NKAIN2: variants seen among roughly 807,000 people sequenced by gnomAD.
NKAIN2 encodes the protein sodium/potassium transporting ATPase interacting 2, also known as sodium/potassium-transporting ATPase subunit beta-1-interacting protein 2.
Under a neutral mutation model 32.6 loss-of-function variants are expected in NKAIN2, and 14 were observed. The observed-to-expected ratio is 0.43, with a 90% CI of 0.28 to 0.67. The LOEUF (loss-of-function observed/expected upper bound fraction) is 0.67. Ranked by LOEUF, NKAIN2 falls within the 30% of genes least tolerant of loss-of-function variation. The pLI is 0.17. For synonymous variants in NKAIN2, 80 were observed against 87.2 expected (o/e 0.92, Z 0.46); for missense variants, 198 against 258.3 (o/e 0.77, Z 1.60).
intron 1 of NKAIN2, among the ~76,000 whole-genome samples, chr6:124,021,000 A>T (rs1185977298): frequency 6.6e-6 from 1 of 152,142 alleles, no homozygotes; most frequent in African/African-American, 2.4e-5. Flanking sequence ...TATGGAATAT[A>T]TAACCATCAC....
intron 1 of NKAIN2, among the ~76,000 whole-genome samples, chr6:124,148,285 T>C (rs995316240): frequency 1.8e-5 from 2 of 111,078 alleles, no homozygotes; most frequent in Non-Finnish European, 3.8e-5. Context: ...CAATTCTTTT[T>C]AACTTATAGA....
intron 3 of NKAIN2, among the ~76,000 whole-genome samples, chr6:124,622,046 G>A (rs955143133): frequency 6.6e-6 from 1 of 152,132 alleles, no homozygotes; most frequent in Non-Finnish European, 1.5e-5. Flanking sequence ...TGGCTTAAAA[G>A]GACATAAACT....
intron 3 of NKAIN2, among the ~76,000 whole-genome samples, chr6:124,370,803 G>T (rs2114323738): frequency 6.6e-6 from 1 of 152,152 alleles, no homozygotes; most frequent in African/African-American, 2.4e-5. Flanking sequence ...TCTTGCAATT[G>T]CTTCTGAAGA....
intron 1 of NKAIN2, among the ~76,000 whole-genome samples, chr6:124,210,774 T>C (rs972398993): frequency 4.6e-4 from 70 of 151,920 alleles, no homozygotes; most frequent in Non-Finnish European, 1.5e-4. Flanking sequence ...GAAATGCTAC[T>C]GATTTTTGAA....
intron 5 of NKAIN2, among the ~76,000 whole-genome samples, chr6:124,811,926 G>A (rs947645271): frequency 1.3e-5 from 2 of 151,968 alleles, no homozygotes; most frequent in African/African-American, 2.4e-5. Context: ...AAATCCCTCC[G>A]ACAAGGCAGA....
At chr6:124,225,683 CTTA>C (rs1257999971) in intron 1 of NKAIN2, among the ~76,000 whole-genome samples, 1 of 151,748 alleles carries the variant, frequency 6.6e-6, no homozygotes, top group African/African-American at 2.4e-5. Flanking sequence ...ATGAGAAACA[CTTA>C]TTTTTATTGA....
chr6:124,363,110 C>T (rs1231950928), intron 3 of NKAIN2, among the ~76,000 whole-genome samples: 1 of 152,156 alleles, frequency 6.6e-6, no homozygotes, highest in Non-Finnish European at 1.5e-5. Context: ...GTTGGGATTA[C>T]AGGCATGAGC....
intron 1 of NKAIN2, among the ~76,000 whole-genome samples, chr6:123,939,422 C>G (rs758929083): frequency 2.6e-5 from 4 of 151,926 alleles, no homozygotes; most frequent in Non-Finnish European, 5.9e-5. Flanking sequence ...GCACATTCCA[C>G]AAAACAGAGA....
intron 1 of NKAIN2, among the ~76,000 whole-genome samples, chr6:124,174,454 T>C (rs1789057578): frequency 6.6e-6 from 1 of 152,182 alleles, no homozygotes; most frequent in Non-Finnish European, 1.5e-5. Context: ...GCAGCCTAAG[T>C]ACAATGAAGA....
chr6:124,228,703 A>C (rs947463653), intron 1 of NKAIN2, among the ~76,000 whole-genome samples: 3 of 152,170 alleles, frequency 2.0e-5, no homozygotes, highest in East Asian at 1.9e-4. Flanking sequence ...TTAGAAAGAA[A>C]GTCTCTTACC....
intron 1 of NKAIN2, among the ~76,000 whole-genome samples, chr6:124,087,099 T>C (rs1224821041): frequency 2.0e-5 from 3 of 151,954 alleles, no homozygotes; most frequent in African/African-American, 7.2e-5. Context: ...TTTATCTCAG[T>C]TATGCAATGC....
At chr6:124,375,208 G>A (rs1209276642) in intron 3 of NKAIN2, among the ~76,000 whole-genome samples, 3 of 151,716 alleles carry the variant, frequency 2.0e-5, no homozygotes, top group South Asian at 2.1e-4. Flanking sequence ...CCTAAAACAC[G>A]TGCTCCAGAT....
chr6:123,834,215 C>T (rs945554757), intron 1 of NKAIN2, among the ~76,000 whole-genome samples: 1 of 152,116 alleles, frequency 6.6e-6, no homozygotes, highest in Non-Finnish European at 1.5e-5. Context: ...CGTGCAATGA[C>T]GTGATCTCAG....
intron 2 of NKAIN2, among the ~76,000 whole-genome samples, chr6:124,317,294 A>G (rs1188108320): frequency 1.3e-5 from 2 of 152,084 alleles, no homozygotes; most frequent in Non-Finnish European, 2.9e-5. Context: ...TTTCATATCA[A>G]TGCATCAAGT....
At chr6:124,500,304 C>G in intron 3 of NKAIN2, among the ~76,000 whole-genome samples, 1 of 151,972 alleles carries the variant, frequency 6.6e-6, no homozygotes. Flanking sequence ...GCACTAAGAA[C>G]AGCAGGGTAT....
chr6:124,542,003 A>G (rs916744351), intron 3 of NKAIN2, among the ~76,000 whole-genome samples: 9 of 152,156 alleles, frequency 5.9e-5, no homozygotes, highest in Non-Finnish European at 1.2e-4. Flanking sequence ...AAACTACCAT[A>G]TATTTAGCAA....
At chr6:123,863,099 C>T (rs1465274109) in intron 1 of NKAIN2, among the ~76,000 whole-genome samples, 1 of 152,176 alleles carries the variant, frequency 6.6e-6, no homozygotes, top group Non-Finnish European at 1.5e-5. Flanking sequence ...TTCTCTCTTG[C>T]CAACTGGCCT....
At chr6:124,595,216 A>G (rs1782040743) in intron 3 of NKAIN2, among the ~76,000 whole-genome samples, 1 of 152,194 alleles carries the variant, frequency 6.6e-6, no homozygotes, top group Non-Finnish European at 1.5e-5. Flanking sequence ...CAAACGTCCC[A>G]TGATCGTTGC....
chr6:124,336,000 G>A (rs1797844739), intron 2 of NKAIN2, among the ~76,000 whole-genome samples: 1 of 152,072 alleles, frequency 6.6e-6, no homozygotes, highest in Non-Finnish European at 1.5e-5. Flanking sequence ...AGTTGAATTT[G>A]TATCATCTTA....
Sources: allele counts gnomAD v4.1 joint callset (sites outside exome capture counted in the v4.1 genomes callset), GRCh38; gene constraint gnomAD v4.1.1; transcripts MANE v1.5; gene names NCBI Gene and HGNC (gene_info 2026-07-23, HGNC 2026-07-21).